Variants in FSTL5 observed in about 807,000 individuals in gnomAD.
The protein encoded by FSTL5 is follistatin-related protein 5.
A neutral mutation model predicts 89.1 loss-of-function variants in FSTL5; 62 were observed. The ratio of observed to expected loss-of-function variants is 0.70; its 90% CI spans 0.57 to 0.86. FSTL5 has a LOEUF of 0.86. FSTL5 is among the 40% of genes least tolerant of loss of function. The pLI is 0.00. For missense variants in FSTL5, 1,057 were observed against 1,001.6 expected, an observed-to-expected ratio of 1.06 and a Z score of -0.75; for synonymous variants, 383 against 346.2, an observed-to-expected ratio of 1.11 and a Z score of -1.18.
At chr4:161,405,182 G>A (rs1308884179) in intron 15 of FSTL5, among the ~76,000 whole-genome samples, 3 of 151,520 alleles carry the variant, frequency 2.0e-5, no homozygotes, top group South Asian at 2.1e-4. Flanking sequence ...GCAGTGAGCC[G>A]AGATCATGCT....
chr4:161,699,494 A>C (rs1012505215), intron 6 of FSTL5, among the ~76,000 whole-genome samples: 1 of 152,190 alleles, frequency 6.6e-6, no homozygotes, highest in African/African-American at 2.4e-5. Flanking sequence ...ACTGTGTTTA[A>C]GAAGTAGCAG....
intron 3 of FSTL5, among the ~76,000 whole-genome samples, chr4:161,962,270 T>C (rs1346659259): frequency 6.6e-6 from 1 of 152,008 alleles, no homozygotes; most frequent in Admixed American, 6.6e-5. Context: ...AGATTGTCAG[T>C]GCTATAAGAG....
At chr4:161,460,874 A>G (rs1206635129) in intron 13 of FSTL5, among the ~76,000 whole-genome samples, 1 of 151,498 alleles carries the variant, frequency 6.6e-6, no homozygotes, top group African/African-American at 2.4e-5. Context: ...GAAATGACTG[A>G]TTCTATTTCC....
chr4:162,041,018 G>T (rs1737931131), intron 2 of FSTL5, among the ~76,000 whole-genome samples: 1 of 151,824 alleles, frequency 6.6e-6, no homozygotes, highest in Non-Finnish European at 1.5e-5. Flanking sequence ...TCAATAGTCA[G>T]GTGGAGGGAT....
chr4:161,779,102 A>G (rs1278758158), intron 4 of FSTL5, among the ~76,000 whole-genome samples: 1 of 152,176 alleles, frequency 6.6e-6, no homozygotes, highest in African/African-American at 2.4e-5. Flanking sequence ...TTTAACCAGT[A>G]TTTAAAACTG....
At chr4:161,387,991 A>G (rs1265399871) in intron 15 of FSTL5, 2 of 152,072 alleles carry the variant, frequency 1.3e-5, no homozygotes, top group Non-Finnish European at 2.9e-5. Flanking sequence ...TTGCAGATCA[A>G]CATAACTCTC....
intron 1 of FSTL5, among the ~76,000 whole-genome samples, chr4:162,126,950 T>C (rs1732104833): frequency 6.6e-6 from 1 of 152,278 alleles, no homozygotes; most frequent in East Asian, 1.9e-4. Context: ...GCTGAGAGCA[T>C]TGCAGATTCA....
chr4:161,842,879 C>A (rs1731255880), intron 4 of FSTL5, among the ~76,000 whole-genome samples: 1 of 152,040 alleles, frequency 6.6e-6, no homozygotes, highest in Admixed American at 6.5e-5. Flanking sequence ...TACTGGTGAT[C>A]TAAGGTAATA....
At chr4:161,739,666 T>C (rs1347407333) in intron 6 of FSTL5, among the ~76,000 whole-genome samples, 2 of 152,064 alleles carry the variant, frequency 1.3e-5, no homozygotes, top group Non-Finnish European at 1.5e-5. Context: ...GGAACACACA[T>C]GGATGAGAAC....
intron 13 of FSTL5, among the ~76,000 whole-genome samples, chr4:161,468,099 T>G (rs1733807341): frequency 6.6e-6 from 1 of 152,070 alleles, no homozygotes; most frequent in African/African-American, 2.4e-5. Context: ...TCTAGCAAGG[T>G]ATTTAATAGC....
intron 12 of FSTL5, among the ~76,000 whole-genome samples, chr4:161,496,725 C>A (rs183130298): frequency 6.6e-6 from 1 of 151,878 alleles, no homozygotes; most frequent in Non-Finnish European, 1.5e-5. Context: ...CATATCCCAC[C>A]TGCAGTTGTG....
At chr4:161,441,452 T>C (rs71610964) in intron 15 of FSTL5, among the ~76,000 whole-genome samples, 12,621 of 152,068 alleles carry the variant, frequency 0.083, 728 homozygotes, top group African/African-American at 0.16. Context: ...CATGAGGTGG[T>C]TGAGATTCCA....
intron 7 of FSTL5, among the ~76,000 whole-genome samples, chr4:161,647,972 G>A (rs972029654): frequency 3.9e-5 from 6 of 152,078 alleles, no homozygotes; most frequent in Non-Finnish European, 8.8e-5. Context: ...CTGGCAGAAC[G>A]ACACGGAGTT....
chr4:162,054,069 C>T (rs112279740), intron 2 of FSTL5, among the ~76,000 whole-genome samples: 8 of 151,670 alleles, frequency 5.3e-5, no homozygotes, highest in Admixed American at 5.3e-4. Flanking sequence ...AAAATGAATG[C>T]ACTGATACAC....
chr4:161,427,760 T>G (rs1732214635), intron 15 of FSTL5, among the ~76,000 whole-genome samples: 1 of 152,200 alleles, frequency 6.6e-6, no homozygotes, highest in Admixed American at 6.5e-5. Flanking sequence ...ATATTATGAA[T>G]GTGACAAATG....
At chr4:161,716,358 A>T (rs968563017) in intron 6 of FSTL5, among the ~76,000 whole-genome samples, 5 of 152,134 alleles carry the variant, frequency 3.3e-5, no homozygotes, top group Admixed American at 2.6e-4. Context: ...GCAATTTGGA[A>T]GGCCAAAGTG....
At chr4:162,076,468 A>G (rs562296912) in intron 2 of FSTL5, among the ~76,000 whole-genome samples, 42 of 152,040 alleles carry the variant, frequency 2.8e-4, no homozygotes, top group Non-Finnish European at 5.2e-4. Context: ...TAAAGCTTCA[A>G]TGGGTTTGCT....
chr4:162,108,811 A>T (rs2111401609), intron 2 of FSTL5, among the ~76,000 whole-genome samples: 1 of 151,910 alleles, frequency 6.6e-6, no homozygotes, highest in Middle Eastern at 3.4e-3. Context: ...TATATGATAC[A>T]TATGTTATCT....
At chr4:161,641,693 T>C (rs1350080614) in intron 7 of FSTL5, among the ~76,000 whole-genome samples, 1 of 151,998 alleles carries the variant, frequency 6.6e-6, no homozygotes, top group Non-Finnish European at 1.5e-5. Context: ...GGTTTCACCG[T>C]GTTAGCCAGG....
Sources: gnomAD v4.1 joint callset for allele counts (sites outside exome capture counted in the v4.1 genomes callset) on GRCh38, gnomAD v4.1.1 for gene constraint, MANE v1.5 for transcripts, NCBI Gene and HGNC (gene_info 2026-07-23, HGNC 2026-07-21) for gene names.